ZNF420: variants seen among roughly 807,000 people sequenced by gnomAD.
ZNF420 encodes ATM and p53-associated KZNF protein.
A neutral mutation model predicts 44.7 loss-of-function variants in ZNF420; 31 were observed. The observed-to-expected ratio is 0.69, with a 90% confidence interval of 0.52 to 0.94. ZNF420 has a LOEUF of 0.94. ZNF420 is among the 40% of genes least tolerant of loss of function. The pLI is 0.00. For synonymous variants in ZNF420, 245 were observed against 267.4 expected (o/e 0.92, Z 0.82); for missense variants, 681 against 827.9 (o/e 0.82, Z 2.18).
At chr19:37,127,013 T>C in intron 4 of ZNF420, 115 bp from the exon 5 acceptor site, 2 of 833,598 alleles carry the variant, frequency 2.4e-6, no homozygotes, top group Non-Finnish European at 3.5e-6. Context: ...TAATAATCAA[T>C]ATTTGAAACA....
intron 1 of ZNF420, among the ~76,000 whole-genome samples, chr19:37,026,515 C>T (rs1467311002): frequency 6.6e-6 from 1 of 152,136 alleles, no homozygotes. Context: ...GATGGGGTTT[C>T]TCCATGTTGG....
At chr19:37,031,971 G>A (rs1355912478) in intron 1 of ZNF420, among the ~76,000 whole-genome samples, 2 of 151,766 alleles carry the variant, frequency 1.3e-5, no homozygotes, top group Admixed American at 6.6e-5. Flanking sequence ...TTGGAAGGCC[G>A]AGGCAGGCAG....
chr19:37,120,877 G>A (rs7250404), intron 4 of ZNF420, among the ~76,000 whole-genome samples: 76,431 of 151,746 alleles, frequency 0.5, 19,914 homozygotes, highest in African/African-American at 0.58. Context: ...ATTCACAATT[G>A]CTTCAAAGAG....
intron 1 of ZNF420, among the ~76,000 whole-genome samples, chr19:37,022,098 G>C (rs999268902): frequency 3.3e-5 from 5 of 151,544 alleles, no homozygotes; most frequent in South Asian, 4.1e-4. Context: ...ACAGGAAATT[G>C]TTTTTGGGGA....
intron 1 of ZNF420, among the ~76,000 whole-genome samples, chr19:37,025,991 C>A (rs914218224): frequency 1.3e-5 from 2 of 151,862 alleles, no homozygotes; most frequent in Admixed American, 6.6e-5. Flanking sequence ...ATTTACCCAT[C>A]GATTATATAA....
chr19:37,130,247 G>T lies in ZNF420; in HGVS notation c.*1189G>T. ...AGTCTGCAACCCTGATGACTTTGTG[G>T]AACAGCCATACTAGCTCTGGTCTGC... On this transcript the variant is annotated 3_prime_UTR_variant, in exon 5 of 5. Transcript: ENST00000337995. The T allele has an allele frequency of 6.6e-7, 1 of 1,524,906 alleles. No homozygotes were observed. Among genetic ancestry groups the T allele is most frequent in the South Asian group, 1.3e-5 (1 of 79,228 alleles). The allele number at this position is 1,524,906 out of a possible 1,614,324, so 94.5% of individuals were successfully genotyped here.
At chr19:37,020,988 T>C (rs2074644211) in intron 1 of ZNF420, among the ~76,000 whole-genome samples, 2 of 152,186 alleles carry the variant, frequency 1.3e-5, no homozygotes. Flanking sequence ...TGAATGTCCT[T>C]AATAACTCTG....
At chr19:37,033,461 A>G (rs549536576) in intron 1 of ZNF420, among the ~76,000 whole-genome samples, 7 of 152,316 alleles carry the variant, frequency 4.6e-5, no homozygotes, top group African/African-American at 1.7e-4. Flanking sequence ...ATCATGCAGT[A>G]TTAGTTTTTT....
chr19:37,089,979 A>G (rs1052242456), intron 3 of ZNF420, among the ~76,000 whole-genome samples: 3 of 152,228 alleles, frequency 2.0e-5, no homozygotes, highest in African/African-American at 7.2e-5. Flanking sequence ...TGGAGCTTCA[A>G]TAAATTCTTT....
At position 37,010,433 on chromosome 19, in the gene ZNF420, C is replaced by T. The variant is rs148094049; in HGVS notation, c.-125+2351C>T. Among the ~76,000 whole-genome samples the T allele has an allele frequency of 6.1e-3, 927 of 152,128 alleles. 28 individuals carry two copies. The highest frequency in any genetic ancestry group is 0.048 in the East Asian group (246 of 5,116). ...TGCTCTCTCACTTGAGAATCGTTCT[C>T]GCAAAGAGCAGAACCCCGCAGCCTC... On this transcript the variant is annotated intron_variant, in intron 1 of 4. Coordinates refer to the ZNF420 transcript ENST00000587029.
chr19:37,100,443 T>C (rs1025270203), intron 4 of ZNF420, among the ~76,000 whole-genome samples: 4 of 152,212 alleles, frequency 2.6e-5, no homozygotes, highest in Admixed American at 6.5e-5. Flanking sequence ...CCTGGCGCAG[T>C]GGCTCACACC....
chr19:37,090,167 A>G (rs1451808144), intron 3 of ZNF420, among the ~76,000 whole-genome samples: 3 of 152,178 alleles, frequency 2.0e-5, no homozygotes, highest in Admixed American at 1.3e-4. Context: ...CATTTATTTT[A>G]TTCCCAGACT....
At chr19:37,055,380 C>A (rs1337390349) in intron 1 of ZNF420, among the ~76,000 whole-genome samples, 7 of 152,146 alleles carry the variant, frequency 4.6e-5, no homozygotes, top group Admixed American at 4.6e-4. Context: ...GAAACCCCAG[C>A]CGGCGACCTG....
intron 1 of ZNF420, chr19:37,025,333 T>G (rs1967135334): frequency 5.4e-6 from 1 of 186,090 alleles, no homozygotes; most frequent in Non-Finnish European, 1.1e-5. Context: ...TCTTCTTACC[T>G]GTCTGAAAAT....
chr19:37,080,541 G>T (rs1442037281), intron 2 of ZNF420, among the ~76,000 whole-genome samples, 153 bp downstream of exon 2: 1 of 152,120 alleles, frequency 6.6e-6, no homozygotes, highest in South Asian at 2.1e-4. Flanking sequence ...CCATTAATCG[G>T]GATAGATGCT....
At chr19:37,051,320 G>A (rs2146423989) in intron 1 of ZNF420, among the ~76,000 whole-genome samples, 1 of 152,240 alleles carries the variant, frequency 6.6e-6, no homozygotes, top group Middle Eastern at 3.4e-3. Context: ...TGTACCTCTG[G>A]TAGAATTTGG....
chr19:37,118,975 C>T (rs1021419482), intron 4 of ZNF420, among the ~76,000 whole-genome samples: 1 of 152,110 alleles, frequency 6.6e-6, no homozygotes, highest in African/African-American at 2.4e-5. Flanking sequence ...TAAAGCAAGT[C>T]CTGAGTGACC....
At chr19:37,016,177 G>A (rs1331051693) in intron 1 of ZNF420, among the ~76,000 whole-genome samples, 5 of 152,228 alleles carry the variant, frequency 3.3e-5, no homozygotes, top group African/African-American at 9.6e-5. Context: ...GAGGTAGTCA[G>A]CCATGGCTGG....
At chr19:37,029,364 G>A (rs923355499) in intron 1 of ZNF420, among the ~76,000 whole-genome samples, 9 of 152,146 alleles carry the variant, frequency 5.9e-5, no homozygotes, top group African/African-American at 2.2e-4. Flanking sequence ...CCGCATTTCA[G>A]TTATCTGCAT....
Sources: allele counts gnomAD v4.1 joint callset (sites outside exome capture counted in the v4.1 genomes callset), GRCh38; gene constraint gnomAD v4.1.1; transcripts MANE v1.5; gene names NCBI Gene and HGNC (gene_info 2026-07-23, HGNC 2026-07-21).